ADGRF5: variants seen among roughly 807,000 people sequenced by gnomAD.
ADGRF5 encodes the protein adhesion G protein-coupled receptor F5.
ADGRF5 carries 75 observed loss-of-function variants against 132.3 expected under a neutral mutation model. That is an observed-to-expected ratio of 0.57 (90% CI 0.47 to 0.69). The LOEUF is 0.69. Ranked by LOEUF, ADGRF5 falls within the 30% of genes least tolerant of loss-of-function variation. The pLI, the probability that ADGRF5 is intolerant of heterozygous loss-of-function variation, is 0.00. For missense variants in ADGRF5, 1,516 were observed against 1,630.6 expected, an observed-to-expected ratio of 0.93 and a Z score of 1.21; for synonymous variants, 629 against 597.6, an observed-to-expected ratio of 1.05 and a Z score of -0.77.
At chr6:46,890,783 T>C (rs1773574644) in intron 3 of ADGRF5, among the ~76,000 whole-genome samples, 2 of 152,180 alleles carry the variant, frequency 1.3e-5, no homozygotes, top group African/African-American at 2.4e-5. Flanking sequence ...AAATTTACAT[T>C]CTATCTGAAA....
chr6:46,879,296 A>ATTTGGC (rs1330278326), intron 9 of ADGRF5, among the ~76,000 whole-genome samples: 1 of 151,784 alleles, frequency 6.6e-6, no homozygotes, highest in Non-Finnish European at 1.5e-5. Context: ...CGGTGATATG[A>ATTTGGC]TTTGGCTCTG....
At chr6:46,911,384 T>A (rs1000959409) in intron 1 of ADGRF5, among the ~76,000 whole-genome samples, 3 of 152,246 alleles carry the variant, frequency 2.0e-5, no homozygotes, top group Admixed American at 6.5e-5. Context: ...AAGTCAAACT[T>A]TGAGAATTAA....
At chr6:46,901,437 A>C (rs1463736319) in intron 2 of ADGRF5, among the ~76,000 whole-genome samples, 1 of 152,220 alleles carries the variant, frequency 6.6e-6, no homozygotes, top group Non-Finnish European at 1.5e-5. Flanking sequence ...CACCTGGGGC[A>C]GAGCTCATTC....
chr6:46,889,368 A>C (rs2150857159), intron 3 of ADGRF5, among the ~76,000 whole-genome samples: 1 of 147,592 alleles, frequency 6.8e-6, no homozygotes, highest in East Asian at 2.0e-4. Flanking sequence ...GTCCATATAC[A>C]GTCTATGTAT....
intron 3 of ADGRF5, among the ~76,000 whole-genome samples, chr6:46,899,446 T>C (rs1774517918): frequency 6.6e-6 from 1 of 152,080 alleles, no homozygotes; most frequent in African/African-American, 2.4e-5. Flanking sequence ...ACCTGACACC[T>C]GCGCAGGGTC....
Position 46,878,242 on chromosome 6 carries a change from G to C in ADGRF5, c.1200C>G (p.Ser400Arg), listed in dbSNP as rs955339967. 3.7e-6 allele frequency: 6 copies of C among 1,612,986 alleles called. No homozygotes were observed. Among genetic ancestry groups the C allele is most frequent in the South Asian group, 3.3e-5 (3 of 91,056 alleles). ...TTCCTTCCTGCTTCCATTCTACTTTGCTCCAATTAACATTACCCTGACTGC... is the reference window on the plus strand; with the variant it reads ...TTCCTTCCTGCTTCCATTCTACTTTCCTCCAATTAACATTACCCTGACTGC... ...NCCSQGNVNWSKVEWKQEGKI... is the reference protein window; with the variant it reads ...NCCSQGNVNWRKVEWKQEGKI... Residue 400 changes from serine (S) to arginine (R), a missense_variant, in exon 10 of 21, where the codon AGC becomes AGG. Physicochemically the swap from Ser to Arg is moderately radical, Grantham distance 110. Around this residue, in one of 2 missense-constraint regions of ADGRF5, gnomAD observed 945 missense variants for 929.4 expected, o/e 1.02. Transcript: ENST00000283296.
chr6:46,877,036 C>T (rs1009758341), intron 10 of ADGRF5, among the ~76,000 whole-genome samples: 2 of 152,206 alleles, frequency 1.3e-5, no homozygotes, highest in Non-Finnish European at 2.9e-5. Flanking sequence ...CAGATAAGCG[C>T]ATTATACTGT....
At chr6:46,874,942 A>G (rs1400963072) in intron 10 of ADGRF5, among the ~76,000 whole-genome samples, 2 of 152,200 alleles carry the variant, frequency 1.3e-5, no homozygotes, top group Admixed American at 1.3e-4. Flanking sequence ...GCTGCTACAT[A>G]TCCTACAATG....
intron 1 of ADGRF5, among the ~76,000 whole-genome samples, chr6:46,912,379 A>G (rs182694167): frequency 2.6e-5 from 4 of 152,268 alleles, no homozygotes; most frequent in African/African-American, 7.2e-5. Context: ...TCTAGGTGGA[A>G]AAAAAAGATC....
intron 13 of ADGRF5, 52 bp from the exon 14 acceptor site, chr6:46,865,249 A>G: frequency 7.7e-7 from 1 of 1,290,624 alleles, no homozygotes. Context: ...TCTCTAATGC[A>G]CAAATTGTGT....
In ADGRF5 at chr6:46,858,426, C is replaced by A; in HGVS notation, c.3477G>T (p.Lys1159Asn). 3 of 1,613,956 alleles carry A rather than the reference C, an allele frequency of 1.9e-6. No homozygotes were observed. Among genetic ancestry groups the A allele is most frequent in the Non-Finnish European group, 2.5e-6 (3 of 1,179,870 alleles). ...CCTCCCAGTTGAGCCAACAGACATTCTTCCTCGTATAGACTTCCCGGGGCT... is the reference window on the plus strand; with the variant it reads ...CCTCCCAGTTGAGCCAACAGACATTATTCCTCGTATAGACTTCCCGGGGCT... ...ATQPREVYTR[K>N]NVCWLNWEDT... The change falls in exon 17 of 21, where the codon AAG (lysine) becomes AAT (asparagine). Residue 1159 changes from lysine (K) to asparagine (N), a missense_variant. This residue lies in a region of ADGRF5 where 571 missense variants were observed against 701.2 expected (regional missense o/e 0.81). Transcript: ENST00000283296.
intron 10 of ADGRF5, 85 bp from the exon 11 acceptor site, chr6:46,872,098 A>T (rs1771136644): frequency 2.2e-6 from 2 of 919,114 alleles, no homozygotes; most frequent in Admixed American, 2.5e-5. Context: ...TTTTTTTCAT[A>T]AAAGGAGTTA....
intron 1 of ADGRF5, among the ~76,000 whole-genome samples, chr6:46,907,372 T>A (rs1194091439): frequency 6.6e-6 from 1 of 152,080 alleles, no homozygotes; most frequent in African/African-American, 2.4e-5. Context: ...TTTATTTATT[T>A]ATTTTTTTTA....
intron 1 of ADGRF5, among the ~76,000 whole-genome samples, chr6:46,916,471 A>T (rs1776424108): frequency 6.6e-6 from 1 of 152,184 alleles, no homozygotes; most frequent in Non-Finnish European, 1.5e-5. Context: ...ACCGGGTACT[A>T]AGTCCTGTTA....
intron 11 of ADGRF5, among the ~76,000 whole-genome samples, chr6:46,870,542 G>T (rs1233874575): frequency 6.6e-6 from 1 of 152,156 alleles, no homozygotes; most frequent in Non-Finnish European, 1.5e-5. Flanking sequence ...CAAATGTTCA[G>T]ACAGCCCAAA....
intron 3 of ADGRF5, among the ~76,000 whole-genome samples, chr6:46,888,726 A>C (rs1197229774): frequency 1.3e-5 from 2 of 152,194 alleles, no homozygotes; most frequent in African/African-American, 4.8e-5. Context: ...ATGGAATGTA[A>C]CGAGGCAAGA....
At position 46,898,936 on chromosome 6, in the gene ADGRF5, G is replaced by A. The variant is rs77187175; in HGVS notation, c.157+1093C>T. On this transcript the variant is annotated intron_variant, in intron 3 of 20. Coordinates refer to ENST00000283296, the MANE Select transcript of ADGRF5 (RefSeq NM_001098518.2). ...GAACGTGCAAGTGCTTCATCTATTCGCTCACTGGTTGAGAAAGAAACTGAG... is the reference window on the plus strand; with the variant it reads ...GAACGTGCAAGTGCTTCATCTATTCACTCACTGGTTGAGAAAGAAACTGAG... 6.9e-3 allele frequency among the ~76,000 whole-genome samples: 1,047 copies of A among 152,298 alleles called. 13 individuals carry two copies. The highest frequency in any genetic ancestry group is 0.024 in the African/African-American group (996 of 41,566).
chr6:46,868,766 G>T, intron 12 of ADGRF5, 117 bp downstream of exon 12: 1 of 665,102 alleles, frequency 1.5e-6, no homozygotes, highest in Non-Finnish European at 2.7e-6. Flanking sequence ...AAGACATATT[G>T]AATTTAAAGT....
Position 46,888,331 on chromosome 6 carries a change from T to A in ADGRF5, c.328+4A>T, listed in dbSNP as rs1339897952. 16 of 1,596,482 alleles carry A rather than the reference T, an allele frequency of 1.0e-5. No individual in the cohort carries two copies. The highest frequency in any genetic ancestry group is 1.4e-5 in the Non-Finnish European group (16 of 1,164,052). On this transcript the variant is annotated splice_donor_region_variant and intron_variant, in intron 4 of 20. Coordinates refer to ENST00000283296, the MANE Select transcript of ADGRF5 (RefSeq NM_001098518.2). ...TATTCTGAAGCAATGGGTCTCTTAC[T>A]CACCTGTTGTCACATTTATGCTCAA...
Sources: gnomAD v4.1 joint callset for allele counts (sites outside exome capture counted in the v4.1 genomes callset) on GRCh38, gnomAD v4.1.1 for gene constraint, gnomAD v4.1.1 regional missense constraint, MANE v1.5 for transcripts, NCBI Gene and HGNC (gene_info 2026-07-23, HGNC 2026-07-21) for gene names.